Variants in FRMD4B observed in about 807,000 individuals in gnomAD.
FRMD4B encodes the protein FERM domain containing 4B.
FRMD4B carries 74 observed loss-of-function variants against 141.5 expected under a neutral mutation model. That is an observed-to-expected ratio of 0.52 (90% CI 0.43 to 0.63). The LOEUF (loss-of-function observed/expected upper bound fraction) is 0.63, where lower values mean the gene tolerates loss of function less well. Among genes scored for constraint, FRMD4B ranks in the 30% least tolerant of loss-of-function variants. The probability of loss-of-function intolerance (pLI) is 0.00; values close to 1 mark genes in which losing one functional copy is unlikely to be tolerated. For missense variants in FRMD4B, 1,366 were observed against 1,253.4 expected, an observed-to-expected ratio of 1.09 and a Z score of -1.36; for synonymous variants, 506 against 467.9, an observed-to-expected ratio of 1.08 and a Z score of -1.05.
At chr3:69,200,985 C>T in intron 11 of FRMD4B, 1 of 372,198 alleles carries the variant, frequency 2.7e-6, no homozygotes, top group Admixed American at 3.2e-5. Context: ...CTTTGGACTC[C>T]ATTCAGCCTG....
At chr3:69,412,223 C>T (rs1400409666) in intron 2 of FRMD4B, among the ~76,000 whole-genome samples, 1 of 152,176 alleles carries the variant, frequency 6.6e-6, no homozygotes, top group East Asian at 1.9e-4. Flanking sequence ...TCTGGCCCCA[C>T]AACCCAAGCT....
At chr3:69,367,719 T>C (rs1234579623) in intron 1 of FRMD4B, among the ~76,000 whole-genome samples, 2 of 152,252 alleles carry the variant, frequency 1.3e-5, no homozygotes, top group Non-Finnish European at 2.9e-5. Flanking sequence ...TTTAATGAAC[T>C]ATTCTGTTTA....
At chr3:69,484,038 T>C (rs1202203474) in intron 1 of FRMD4B, among the ~76,000 whole-genome samples, 1 of 152,214 alleles carries the variant, frequency 6.6e-6, no homozygotes, top group East Asian at 1.9e-4. Context: ...GAGTCTTTGG[T>C]CTTGCTTCTT....
At chr3:69,477,073 G>A (rs1322723014) in intron 1 of FRMD4B, among the ~76,000 whole-genome samples, 1 of 152,180 alleles carries the variant, frequency 6.6e-6, no homozygotes, top group African/African-American at 2.4e-5. Flanking sequence ...AGACTTTGCT[G>A]AGGTTGCTTA....
At chr3:69,525,839 T>G (rs1266160602) in intron 1 of FRMD4B, among the ~76,000 whole-genome samples, 3 of 151,128 alleles carry the variant, frequency 2.0e-5, no homozygotes, top group Non-Finnish European at 4.4e-5. Context: ...TTTTTTTTTT[T>G]GTAGAGATGG....
At chr3:69,540,910 T>C (rs978618600) in intron 1 of FRMD4B, among the ~76,000 whole-genome samples, 1 of 152,004 alleles carries the variant, frequency 6.6e-6, no homozygotes, top group African/African-American at 2.4e-5. Context: ...CAAAAGTGCC[T>C]ACCAGGATGC....
At chr3:69,327,153 C>T (rs531242186) in intron 1 of FRMD4B, among the ~76,000 whole-genome samples, 13 of 152,056 alleles carry the variant, frequency 8.5e-5, no homozygotes, top group Non-Finnish European at 1.5e-4. Context: ...ATTTTGGCTT[C>T]AGTGAGTATG....
At chr3:69,257,672 T>C (rs1275996572) in intron 5 of FRMD4B, among the ~76,000 whole-genome samples, 1 of 152,166 alleles carries the variant, frequency 6.6e-6, no homozygotes, top group Admixed American at 6.6e-5. Context: ...TTGGCTTTTT[T>C]TTTTCTTGAG....
intron 1 of FRMD4B, among the ~76,000 whole-genome samples, chr3:69,459,670 C>G (rs9845772): frequency 0.67 from 101,472 of 152,088 alleles, 34,533 homozygotes; most frequent in East Asian, 0.84. Context: ...GAACCAATCC[C>G]TGCCTCGGTT....
intron 2 of FRMD4B, among the ~76,000 whole-genome samples, chr3:69,427,562 T>A (rs953906365): frequency 1.3e-5 from 2 of 150,404 alleles, no homozygotes; most frequent in African/African-American, 2.4e-5. Context: ...TGATAAAACC[T>A]TAGAACACTT....
rs1454339589 is a variant in FRMD4B, at chr3:69,195,087, G to A, written c.1423C>T (p.Pro475Ser). Residue 475 changes from proline (P) to serine (S), a missense_variant, in exon 16 of 23, where the codon CCT (proline) becomes TCT (serine). Physicochemically the swap from Pro to Ser is moderately conservative, Grantham distance 74. Coordinates refer to ENST00000398540, the MANE Select transcript of FRMD4B (RefSeq NM_015123.3). Reference sequence around the variant, plus strand: ...GTACCCACACGTCTTCTGACCTGAGGAGGCTTCTCGCCTATGTTCAGGGGA... The same window carrying A: ...GTACCCACACGTCTTCTGACCTGAGAAGGCTTCTCGCCTATGTTCAGGGGA... ...EYPLNIGEKP[P>S]QVRRRVGTAF... is the part of the protein sequence containing the mutation. 2.5e-6 allele frequency: 4 copies of A among 1,613,660 alleles called. No homozygotes were observed. The highest frequency in any genetic ancestry group is 3.4e-6 in the Non-Finnish European group (4 of 1,179,708).
At chr3:69,496,406 T>C (rs568270623) in intron 1 of FRMD4B, among the ~76,000 whole-genome samples, 4 of 152,100 alleles carry the variant, frequency 2.6e-5, no homozygotes, top group East Asian at 1.9e-4. Flanking sequence ...TCTGGCCATA[T>C]TGATTGATTT....
chr3:69,447,668 T>C (rs1356852836), intron 1 of FRMD4B, among the ~76,000 whole-genome samples: 1 of 152,160 alleles, frequency 6.6e-6, no homozygotes, highest in African/African-American at 2.4e-5. Flanking sequence ...TCCGAAGAAG[T>C]TCCTTTATAT....
chr3:69,289,700 G>A (rs1001431503), intron 4 of FRMD4B, among the ~76,000 whole-genome samples: 2 of 152,162 alleles, frequency 1.3e-5, no homozygotes, highest in African/African-American at 4.8e-5. Flanking sequence ...TCCGGAGGCT[G>A]GGGGAGGAGA....
chr3:69,379,120 G>C (rs1252206031), intron 1 of FRMD4B, among the ~76,000 whole-genome samples: 1 of 152,182 alleles, frequency 6.6e-6, no homozygotes, highest in African/African-American at 2.4e-5. Flanking sequence ...CTTGGCATCA[G>C]AACTGAGACT....
intron 1 of FRMD4B, among the ~76,000 whole-genome samples, chr3:69,357,163 T>A (rs374413265): frequency 9.9e-5 from 15 of 152,162 alleles, no homozygotes; most frequent in African/African-American, 2.9e-4. Context: ...AGGAAATGGA[T>A]AATTCCTGCA....
chr3:69,302,800 C>T (rs1272618660), intron 3 of FRMD4B, among the ~76,000 whole-genome samples: 1 of 152,174 alleles, frequency 6.6e-6, no homozygotes, highest in African/African-American at 2.4e-5. Flanking sequence ...TGGGCAGGCA[C>T]AGTGGCTCAT....
intron 1 of FRMD4B, among the ~76,000 whole-genome samples, chr3:69,328,943 G>A (rs576574516): frequency 1.3e-5 from 2 of 152,206 alleles, no homozygotes; most frequent in South Asian, 4.2e-4. Flanking sequence ...TCTGCCTATG[G>A]AGTGGCCATT....
At chr3:69,312,099 G>C (rs1160664413) in intron 2 of FRMD4B, among the ~76,000 whole-genome samples, 1 of 152,154 alleles carries the variant, frequency 6.6e-6, no homozygotes, top group African/African-American at 2.4e-5. Flanking sequence ...TGAGCACCTA[G>C]TTAGAAGAAG....
Sources: gnomAD v4.1 joint callset for allele counts (sites outside exome capture counted in the v4.1 genomes callset) on GRCh38, gnomAD v4.1.1 for gene constraint, MANE v1.5 for transcripts, NCBI Gene and HGNC (gene_info 2026-07-23, HGNC 2026-07-21) for gene names.